RABGAP1L: variants seen among roughly 807,000 people sequenced by gnomAD.
RABGAP1L encodes the protein rab GTPase-activating protein 1-like.
In RABGAP1L, 63 loss-of-function variants were observed where a neutral mutation model predicts 137.7. The ratio of observed to expected loss-of-function variants is 0.46; its 90% CI spans 0.37 to 0.56. The LOEUF (loss-of-function observed/expected upper bound fraction) is 0.56. Among genes scored for constraint, RABGAP1L ranks in the 20% least tolerant of loss-of-function variants. The probability of loss-of-function intolerance (pLI) is 0.00; values close to 1 mark genes in which losing one functional copy is unlikely to be tolerated. For missense variants in RABGAP1L, 1,095 were observed against 1,244.0 expected, an observed-to-expected ratio of 0.88 and a Z score of 1.80; for synonymous variants, 431 against 433.7, an observed-to-expected ratio of 0.99 and a Z score of 0.08.
At chr1:174,685,899 A>G (rs1210279690) in intron 15 of RABGAP1L, among the ~76,000 whole-genome samples, 2 of 152,246 alleles carry the variant, frequency 1.3e-5, no homozygotes, top group East Asian at 3.9e-4. Context: ...AGTTCAGGAT[A>G]TTCTTGGGAC....
At chr1:174,182,313 CT>C (rs1201635427) in intron 1 of RABGAP1L, among the ~76,000 whole-genome samples, 2 of 152,148 alleles carry the variant, frequency 1.3e-5, no homozygotes, top group East Asian at 3.9e-4. Flanking sequence ...TGGAATTTCT[CT>C]GTATTTTGGT....
chr1:174,325,982 A>T (rs1680406319), intron 11 of RABGAP1L, among the ~76,000 whole-genome samples: 1 of 152,252 alleles, frequency 6.6e-6, no homozygotes, highest in South Asian at 2.1e-4. Flanking sequence ...TGACAGAGCC[A>T]TTGTGAGACT....
intron 18 of RABGAP1L, among the ~76,000 whole-genome samples, chr1:174,758,588 T>C (rs1167203753): frequency 2.0e-5 from 3 of 152,336 alleles, no homozygotes; most frequent in African/African-American, 7.2e-5. Flanking sequence ...GATAATGGCC[T>C]CCTCTTTCAA....
intron 13 of RABGAP1L, among the ~76,000 whole-genome samples, chr1:174,428,356 A>G (rs539333719): frequency 1.3e-4 from 20 of 152,274 alleles, no homozygotes; most frequent in Admixed American, 1.3e-3. Flanking sequence ...GGAAGTGTAG[A>G]GGAGGGCATA....
intron 1 of RABGAP1L, among the ~76,000 whole-genome samples, chr1:174,187,840 A>G (rs1364415052): frequency 6.6e-6 from 1 of 152,154 alleles, no homozygotes; most frequent in Non-Finnish European, 1.5e-5. Context: ...TTGTGACCCT[A>G]CATAACGTAA....
intron 19 of RABGAP1L, among the ~76,000 whole-genome samples, chr1:174,896,063 T>C (rs1239154270): frequency 6.6e-6 from 1 of 152,242 alleles, no homozygotes; most frequent in Admixed American, 6.5e-5. Flanking sequence ...CCACCAACAA[T>C]GTAAAAGTGT....
intron 13 of RABGAP1L, among the ~76,000 whole-genome samples, chr1:174,436,341 G>A (rs894570675): frequency 1.3e-5 from 2 of 152,092 alleles, no homozygotes; most frequent in African/African-American, 2.4e-5. Flanking sequence ...TTTAATGATC[G>A]CCATTCTAAC....
intron 11 of RABGAP1L, among the ~76,000 whole-genome samples, chr1:174,346,597 T>A (rs1047820416): frequency 6.6e-6 from 1 of 152,106 alleles, no homozygotes; most frequent in Non-Finnish European, 1.5e-5. Flanking sequence ...GTCTTCTTTT[T>A]ATCTCTGATT....
At chr1:174,308,097 C>G (rs544328669) in intron 11 of RABGAP1L, among the ~76,000 whole-genome samples, 1 of 151,920 alleles carries the variant, frequency 6.6e-6, no homozygotes, top group South Asian at 2.1e-4. Context: ...ACCTGTTAGT[C>G]ATTTGCATGT....
intron 19 of RABGAP1L, among the ~76,000 whole-genome samples, chr1:174,835,556 G>A (rs1168329586): frequency 6.6e-6 from 1 of 152,122 alleles, no homozygotes; most frequent in Non-Finnish European, 1.5e-5. Flanking sequence ...GGAGAGAGAC[G>A]CTGTGGCAGA....
At chr1:174,384,727 C>A (rs1043106313) in intron 12 of RABGAP1L, among the ~76,000 whole-genome samples, 1 of 152,104 alleles carries the variant, frequency 6.6e-6, no homozygotes, top group African/African-American at 2.4e-5. Flanking sequence ...ACATGACCTC[C>A]TTAAAGTCAC....
chr1:174,431,753 G>T (rs573767848), intron 13 of RABGAP1L, among the ~76,000 whole-genome samples: 2 of 152,208 alleles, frequency 1.3e-5, no homozygotes, highest in South Asian at 4.1e-4. Flanking sequence ...AGCTACAAAG[G>T]TATGATTGTA....
intron 19 of RABGAP1L, among the ~76,000 whole-genome samples, chr1:174,833,156 T>G (rs1438985560): frequency 6.6e-6 from 1 of 151,996 alleles, no homozygotes; most frequent in Non-Finnish European, 1.5e-5. Flanking sequence ...CAGTCAAAAT[T>G]TAAAAGTTGA....
At chr1:174,799,767 A>T (rs1688560907) in intron 18 of RABGAP1L, 1 of 826,134 alleles carries the variant, frequency 1.2e-6, no homozygotes, top group South Asian at 5.5e-5. Flanking sequence ...AGGCAGCAGC[A>T]GCAGCAGTAG....
At chr1:174,912,851 C>T (rs528069796) in intron 19 of RABGAP1L, among the ~76,000 whole-genome samples, 20 of 152,232 alleles carry the variant, frequency 1.3e-4, no homozygotes, top group African/African-American at 4.8e-4. Context: ...CACCAGTAAC[C>T]AGAGTTTAAT....
At chr1:174,910,897 A>G (rs772261213) in intron 19 of RABGAP1L, among the ~76,000 whole-genome samples, 2 of 152,294 alleles carry the variant, frequency 1.3e-5, no homozygotes, top group Non-Finnish European at 2.9e-5. Flanking sequence ...CAGCAGCTCA[A>G]CCATTTTACA....
rs76078454 is a variant in RABGAP1L, at chr1:174,819,183, T to C, written c.2340+7223T>C. Among the ~76,000 whole-genome samples, 710 of 110,482 alleles carry C rather than the reference T, an allele frequency of 6.4e-3. 8 individuals carry two copies. Among genetic ancestry groups the C allele is most frequent in the African/African-American group, 0.026 (682 of 26,670 alleles). The allele number at this position is 110,482 out of a possible 152,430, so 72.5% of individuals were successfully genotyped here. On this transcript the variant is annotated intron_variant, in intron 19 of 25. Coordinates refer to ENST00000681986, the MANE Select transcript of RABGAP1L (RefSeq NM_001366446.1). ...AGGTGACAGAGCAAGACTCTGCCTGTCTCTAAAAAAAAAAAAAAAAAAAAA... is the reference window on the plus strand; with the variant it reads ...AGGTGACAGAGCAAGACTCTGCCTGCCTCTAAAAAAAAAAAAAAAAAAAAA...
rs181621090 is a variant in RABGAP1L at position 174,994,797 on chromosome 1, C to A, written c.*4796C>A. On this transcript the variant is annotated 3_prime_UTR_variant, in exon 26 of 26. Coordinates refer to ENST00000681986, the MANE Select transcript of RABGAP1L (RefSeq NM_001366446.1). ...GAGGGACAAAGTTTCTCAGTCAGCC[C>A]CACTTCCTTTCTTTCTAACTCCTAC... 2.0e-5 allele frequency: 3 copies of A among 152,292 alleles called. No individual in the cohort carries two copies. The East Asian group carries it at 5.8e-4, about 29-fold the overall frequency. 9.4% of individuals were successfully genotyped at this position (152,292 alleles called of 1,614,324 possible).
At chr1:174,189,146 C>T (rs924029568) in intron 1 of RABGAP1L, among the ~76,000 whole-genome samples, 2 of 152,128 alleles carry the variant, frequency 1.3e-5, no homozygotes, top group African/African-American at 4.8e-5. Context: ...GCTGGGACTA[C>T]AGGCGCCTGC....
Sources: allele counts gnomAD v4.1 joint callset (sites outside exome capture counted in the v4.1 genomes callset), GRCh38; gene constraint gnomAD v4.1.1; transcripts MANE v1.5; gene names NCBI Gene and HGNC (gene_info 2026-07-23, HGNC 2026-07-21).